LHX9: variants seen among roughly 807,000 people sequenced by gnomAD.
LHX9 encodes LIM homeobox 9.
In LHX9, 9 loss-of-function variants were observed where a neutral mutation model predicts 36.5. The ratio of observed to expected loss-of-function variants is 0.25; its 90% CI spans 0.15 to 0.43. LHX9 has a LOEUF of 0.43. LHX9 is among the 20% of genes least tolerant of loss of function. The pLI, the probability that LHX9 is intolerant of heterozygous loss-of-function variation, is 1.00. For synonymous variants in LHX9, 211 were observed against 212.1 expected, an observed-to-expected ratio of 0.99 and a Z score of 0.04; for missense variants, 464 against 526.4, an observed-to-expected ratio of 0.88 and a Z score of 1.16.
Position 197,929,118 on chromosome 1 carries a change from A to C in LHX9, c.1053A>C (p.Gly351=). The stretch of plus-strand genomic sequence containing the variant: ...CGGCCCCGCCCTCAGCAGACAGCGG[A>C]GCTCTCACTCCACCCGGCACTGCGA... ...SLPAPPSADS[G]ALTPPGTATT... Residue 351 remains glycine (G), a synonymous_variant, in exon 5 of 5, where the codon GGA becomes GGC. Transcript: ENST00000367387. 1 of 1,613,728 alleles carries C rather than the reference A, an allele frequency of 6.2e-7. No individual in the cohort carries two copies. Among genetic ancestry groups the C allele is most frequent in the Non-Finnish European group, 8.5e-7 (1 of 1,179,900 alleles).
rs1478908391 is a variant in LHX9, at chr1:197,932,085, AG to A, written c.*2827del. On this transcript the variant is annotated 3_prime_UTR_variant, in exon 5 of 5. Transcript: ENST00000367387. ...AAAAAATTTATTAAGCCAAAAAAAAAGAGAGAGAGAGAGACTTAAATGTCAT... is the reference window on the plus strand; with the variant it reads ...AAAAAATTTATTAAGCCAAAAAAAAAAGAGAGAGAGAGACTTAAATGTCAT... 1.5e-3 allele frequency: 905 copies of A among 618,184 alleles called. No homozygotes were observed. Among genetic ancestry groups the A allele is most frequent in the Non-Finnish European group, 1.9e-3 (692 of 373,908 alleles). The allele number at this position is 618,184 out of a possible 1,614,324, so 38.3% of individuals were successfully genotyped here. A position where few individuals can be genotyped will look rare whatever the true frequency, so the allele number is the denominator to read the frequency against.
In LHX9 at chr1:197,930,337, T is replaced by C. The variant is rs1215478777; in HGVS notation, c.*1078T>C. 2 of 152,642 alleles carry C rather than the reference T, an allele frequency of 1.3e-5. No individual in the cohort carries two copies. Among genetic ancestry groups the C allele is most frequent in the Non-Finnish European group, 2.9e-5 (2 of 68,456 alleles). The allele number at this position is 152,642 out of a possible 1,614,324, so 9.5% of individuals were successfully genotyped here. On this transcript the variant is annotated 3_prime_UTR_variant, in exon 5 of 5. Coordinates refer to ENST00000367387, the MANE Select transcript of LHX9 (RefSeq NM_020204.3). ...TCTGATATTAGAGATTTGAAGTTAT[T>C]AGTCTTAAAGTAGATAAACTCAGAA... is the stretch of plus-strand genomic sequence containing the variant.
intron 4 of LHX9, 82 bp from the exon 5 acceptor site, chr1:197,928,918 AAG>A: frequency 1.5e-6 from 2 of 1,379,114 alleles, no homozygotes; most frequent in Non-Finnish European, 9.5e-7. Context: ...AAGAAAGAAA[AAG>A]AAAAAAAGAA....
At position 197,930,027 on chromosome 1, in the gene LHX9, C is replaced by A. The variant is rs1441359497; in HGVS notation, c.*768C>A. 3 of 981,660 alleles carry A rather than the reference C, an allele frequency of 3.1e-6. No homozygotes were observed. Among genetic ancestry groups the A allele is most frequent in the African/African-American group, 1.7e-5 (1 of 57,264 alleles). The allele number at this position is 981,660 out of a possible 1,614,324, so 60.8% of individuals were successfully genotyped here. On this transcript the variant is annotated 3_prime_UTR_variant, in exon 5 of 5. Coordinates refer to ENST00000367387, the MANE Select transcript of LHX9 (RefSeq NM_020204.3). ...TGATTTTGACATTCCATACTTTTAACCTCCTAAAGCTAAAAACAATAGCTC... is the reference window on the plus strand; with the variant it reads ...TGATTTTGACATTCCATACTTTTAAACTCCTAAAGCTAAAAACAATAGCTC...
chr1:197,925,859 G>C (rs1234270803), intron 3 of LHX9, among the ~76,000 whole-genome samples: 3 of 152,146 alleles, frequency 2.0e-5, no homozygotes, highest in Non-Finnish European at 4.4e-5. Context: ...GTAATTTACT[G>C]ATGAACAAAG....
chr1:197,928,048 C>A (rs537055228), intron 4 of LHX9, among the ~76,000 whole-genome samples: 1 of 152,274 alleles, frequency 6.6e-6, no homozygotes, highest in South Asian at 2.1e-4. Flanking sequence ...AAAGGCAGCA[C>A]AGCTTGTCTC....
chr1:197,929,849 T>C lies in LHX9; in HGVS notation c.*590T>C. 4 of 948,620 alleles carry C rather than the reference T, an allele frequency of 4.2e-6. No homozygotes were observed. The highest frequency in any genetic ancestry group is 5.0e-6 in the Non-Finnish European group (4 of 796,292). The allele number at this position is 948,620 out of a possible 1,614,324, so 58.8% of individuals were successfully genotyped here. A position where few individuals can be genotyped will look rare whatever the true frequency, so the allele number is the denominator to read the frequency against. ...AAGCATTAACTACAGACATTTTAAA[T>C]AGTAATGATTAATTAGGTGAGAAAT... On this transcript the variant is annotated 3_prime_UTR_variant, in exon 5 of 5. Coordinates refer to ENST00000367387, the MANE Select transcript of LHX9 (RefSeq NM_020204.3).
chr1:197,927,526 G>C (rs1660179085), intron 3 of LHX9, 65 bp from the exon 4 acceptor site: 5 of 1,357,388 alleles, frequency 3.7e-6, no homozygotes, highest in Middle Eastern at 3.9e-4. Flanking sequence ...CATACAGCCT[G>C]CCATCATGTC....
upstream of LHX9, chr1:197,916,554 G>A (rs1020918625): frequency 1.5e-6 from 1 of 645,166 alleles, no homozygotes; most frequent in Admixed American, 2.4e-5. Context: ...ACCTGAACCG[G>A]GGAAGAGAAT....
chr1:197,914,139 G>A (rs576335224), upstream of LHX9, among the ~76,000 whole-genome samples: 20 of 152,328 alleles, frequency 1.3e-4, no homozygotes, highest in East Asian at 3.7e-3. Flanking sequence ...TAGCGGGATG[G>A]GTGCTGTCAG....
At chr1:197,924,724 G>C (rs1027581800) in intron 3 of LHX9, among the ~76,000 whole-genome samples, 29 of 152,222 alleles carry the variant, frequency 1.9e-4, no homozygotes, top group African/African-American at 7.0e-4. Flanking sequence ...GGTCTTCCAG[G>C]GATCACTTCA....
chr1:197,923,312 GCCCTCACACTGGCC>G (rs1660045630), intron 3 of LHX9, among the ~76,000 whole-genome samples: 1 of 152,234 alleles, frequency 6.6e-6, no homozygotes, highest in African/African-American at 2.4e-5. Flanking sequence ...TAGTGGCCAT[GCCCTCACACTGGCC>G]CCTGCTGTGC....
In LHX9 at chr1:197,932,134, G is replaced by A. The variant is rs2102605702; in HGVS notation, c.*2875G>A. ...CATTTACTGAATGTTAACGAAACTT[G>A]TGTTCTTTATGGTGTCTAACACAAC... is the stretch of plus-strand genomic sequence containing the variant. On this transcript the variant is annotated 3_prime_UTR_variant, in exon 5 of 5. Transcript: ENST00000367387. 1 of 561,688 alleles carries A rather than the reference G, an allele frequency of 1.8e-6. No homozygotes were observed. 34.8% of individuals were successfully genotyped at this position (561,688 alleles called of 1,614,324 possible). A position where few individuals can be genotyped will look rare whatever the true frequency, so the allele number is the denominator to read the frequency against.
intron 3 of LHX9, among the ~76,000 whole-genome samples, chr1:197,925,332 A>C (rs1319095279): frequency 6.6e-6 from 1 of 152,196 alleles, no homozygotes; most frequent in Non-Finnish European, 1.5e-5. Context: ...CAGGTTGGGA[A>C]TCATATTCAT....
Position 197,931,658 on chromosome 1 carries a change from A to C in LHX9, c.*2399A>C, listed in dbSNP as rs564072136. The C allele has an allele frequency of 1.9e-5, 7 of 364,410 alleles. No homozygotes were observed. Among genetic ancestry groups the C allele is most frequent in the Non-Finnish European group, 3.0e-5 (6 of 200,218 alleles). The allele number at this position is 364,410 out of a possible 1,614,324, so 22.6% of individuals were successfully genotyped here. Reference sequence around the variant, plus strand: ...TTACACATTGTTGCACAGGCAGTGTAATTCAACCTAGAAATACCTTTGAAT... The same window carrying C: ...TTACACATTGTTGCACAGGCAGTGTCATTCAACCTAGAAATACCTTTGAAT... On this transcript the variant is annotated 3_prime_UTR_variant, in exon 5 of 5. Coordinates refer to ENST00000367387, the MANE Select transcript of LHX9 (RefSeq NM_020204.3).
upstream of LHX9, among the ~76,000 whole-genome samples, chr1:197,914,672 T>C (rs1198008586): frequency 6.6e-6 from 1 of 152,062 alleles, no homozygotes; most frequent in Non-Finnish European, 1.5e-5. Flanking sequence ...GCTGGACCCA[T>C]GGGGACGTAT....
chr1:197,927,665 A>T lies in LHX9; in HGVS notation c.808A>T (p.Met270Leu). ...TCCACCCTCGCAGAAGACCAAGCGCATGCGAACCTCTTTCAAGCATCACCA... is the reference window on the plus strand; with the variant it reads ...TCCACCCTCGCAGAAGACCAAGCGCTTGCGAACCTCTTTCAAGCATCACCA... The part of the protein sequence containing the change: ...PYPPSQKTKR[M>L]RTSFKHHQLR... Residue 270 changes from methionine to leucine, a missense_variant, in exon 4 of 5, where the codon ATG (methionine) becomes TTG (leucine). Met to Leu is a conservative substitution (Grantham distance 15). Around this residue, in one of 5 missense-constraint regions of LHX9, gnomAD observed 130 missense variants for 109.6 expected, o/e 1.19. Transcript: ENST00000367387. 6.2e-7 allele frequency: 1 copy of T among 1,614,192 alleles called. No homozygotes were observed.
intron 3 of LHX9, among the ~76,000 whole-genome samples, chr1:197,923,421 G>A (rs34100116): frequency 0.21 from 31,417 of 151,792 alleles, 3,657 homozygotes; most frequent in East Asian, 0.43. Context: ...GGCAGGGCAG[G>A]CAGGGCACTA....
upstream of LHX9, chr1:197,917,363 G>A (rs1476632123): frequency 3.8e-6 from 5 of 1,300,266 alleles, no homozygotes; most frequent in Non-Finnish European, 5.1e-6. Flanking sequence ...ACACAGCTCA[G>A]GCAGGAGCAG....
Sources: allele counts gnomAD v4.1 joint callset (sites outside exome capture counted in the v4.1 genomes callset), GRCh38; gene constraint gnomAD v4.1.1; regional missense constraint gnomAD v4.1.1; transcripts MANE v1.5; gene names NCBI Gene and HGNC (gene_info 2026-07-23, HGNC 2026-07-21).